LRRIQ1: variants seen among roughly 807,000 people sequenced by gnomAD.
LRRIQ1 encodes the protein leucine-rich repeat- and IQ domain-containing protein 1.
In LRRIQ1, 210 loss-of-function variants were observed where a neutral mutation model predicts 211.9. The ratio of observed to expected loss-of-function variants is 0.99; its 90% CI spans 0.89 to 1.11. The LOEUF is 1.11. Among genes scored for constraint, LRRIQ1 ranks in the 50% most tolerant of loss-of-function variants. The pLI is 0.00. For synonymous variants in LRRIQ1, 699 were observed against 650.1 expected, an observed-to-expected ratio of 1.08 and a Z score of -1.14; for missense variants, 2,136 against 1,939.5, an observed-to-expected ratio of 1.10 and a Z score of -1.90.
At chr12:85,260,504 A>T (rs1896254823) in intron 1 of LRRIQ1, among the ~76,000 whole-genome samples, 1 of 152,190 alleles carries the variant, frequency 6.6e-6, no homozygotes, top group African/African-American at 2.4e-5. Flanking sequence ...AAAATGTATT[A>T]GTCATTTGTG....
chr12:85,053,951 A>G (rs1880657557), intron 7 of LRRIQ1, among the ~76,000 whole-genome samples: 1 of 152,198 alleles, frequency 6.6e-6, no homozygotes, highest in Non-Finnish European at 1.5e-5. Flanking sequence ...GCTTTTAAAA[A>G]TGAATGGTCA....
At chr12:85,149,367 A>T (rs1011909930) in intron 19 of LRRIQ1, among the ~76,000 whole-genome samples, 1 of 151,892 alleles carries the variant, frequency 6.6e-6, no homozygotes, top group Non-Finnish European at 1.5e-5. Context: ...TTTTCTGCAT[A>T]TGGCTAGCCA....
chr12:85,085,087 A>C (rs577692790), intron 11 of LRRIQ1, among the ~76,000 whole-genome samples: 12 of 152,162 alleles, frequency 7.9e-5, no homozygotes, highest in Non-Finnish European at 1.5e-4. Context: ...TACTAAGATG[A>C]GACATAGTAT....
At chr12:85,185,617 T>G (rs966569163) in intron 24 of LRRIQ1, among the ~76,000 whole-genome samples, 1 of 151,914 alleles carries the variant, frequency 6.6e-6, no homozygotes, top group Admixed American at 6.6e-5. Flanking sequence ...AAAGTATGAA[T>G]AAAGTAAATT....
In LRRIQ1 at chr12:85,056,450, A is replaced by C. The variant is rs757337328; in HGVS notation, c.1657A>C (p.Thr553Pro). Residue 553 changes from threonine to proline, a missense_variant, in exon 8 of 27, where the codon ACC (threonine) becomes CCC (proline). Physicochemically the swap from Thr to Pro is conservative, Grantham distance 38 (BLOSUM62 -1). Coordinates refer to ENST00000393217, the MANE Select transcript of LRRIQ1 (RefSeq NM_001079910.2). ...HVINENTGQK[T>P]QIILGHNQEI... ...CATAAATGAGAATACAGGACAAAAAACCCAGATAATATTAGGACATAACCA... is the reference window on the plus strand; with the variant it reads ...CATAAATGAGAATACAGGACAAAAACCCCAGATAATATTAGGACATAACCA... The C allele has an allele frequency of 6.2e-7, 1 of 1,601,726 alleles. No homozygotes were observed. The highest frequency in any genetic ancestry group is 1.4e-5 in the African/African-American group (1 of 73,940).
At chr12:85,264,194 C>A (rs969961289) in exon 2 of LRRIQ1, 1 of 151,994 alleles carries the variant, frequency 6.6e-6, no homozygotes, top group East Asian at 1.9e-4. Flanking sequence ...CTATAAATCT[C>A]TTTTAACTTG....
intron 24 of LRRIQ1, among the ~76,000 whole-genome samples, chr12:85,221,616 C>T (rs1470866956): frequency 5.3e-5 from 8 of 152,030 alleles, no homozygotes; most frequent in Non-Finnish European, 1.5e-5. Flanking sequence ...GACCTAAAGA[C>T]CTGAAGCAGG....
At chr12:85,230,446 C>T (rs565404811) in intron 25 of LRRIQ1, among the ~76,000 whole-genome samples, 3 of 152,252 alleles carry the variant, frequency 2.0e-5, no homozygotes, top group Middle Eastern at 3.4e-3. Context: ...TTCTAATCTT[C>T]TCTTCCTATA....
intron 3 of LRRIQ1, among the ~76,000 whole-genome samples, chr12:85,043,052 T>C (rs1210134885): frequency 6.6e-6 from 1 of 152,070 alleles, no homozygotes; most frequent in Non-Finnish European, 1.5e-5. Flanking sequence ...AATATAGATG[T>C]ATTGATCGGG....
In LRRIQ1 at chr12:85,083,820, G is replaced by T. The variant is rs564530342; in HGVS notation, c.2887+10722G>T. 8.5e-5 allele frequency among the ~76,000 whole-genome samples: 13 copies of T among 152,248 alleles called. 1 individual carries two copies. The South Asian group carries it at 2.7e-3, about 32-fold the overall frequency. Reference sequence around the variant, plus strand: ...AATGATAAAGCAGTAATCTATAATTGTGTCATCCAGATACAGCCAGTATGT... The same window carrying T: ...AATGATAAAGCAGTAATCTATAATTTTGTCATCCAGATACAGCCAGTATGT... On this transcript the variant is annotated intron_variant, in intron 11 of 26. Transcript: ENST00000393217.
intron 26 of LRRIQ1, among the ~76,000 whole-genome samples, chr12:85,238,543 A>G (rs1265973415): frequency 6.6e-6 from 1 of 152,126 alleles, no homozygotes; most frequent in Non-Finnish European, 1.5e-5. Flanking sequence ...TCGATCACAA[A>G]TATTGACATC....
Position 85,098,269 on chromosome 12 carries a change from C to T in LRRIQ1, c.2888-86C>T, listed in dbSNP as rs539685065. 4.8e-5 allele frequency: 39 copies of T among 813,410 alleles called. No homozygotes were observed. In the South Asian group the frequency reaches 6.4e-4, roughly 13 times the overall value. The allele number at this position is 813,410 out of a possible 1,614,324, so 50.4% of individuals were successfully genotyped here. ...AATGATAGTGAGAAATACAAAGGTG[C>T]AATTATTTAGAAAAAAAATGGAAAC... On this transcript the variant is annotated intron_variant, in intron 11 of 26. Coordinates refer to ENST00000393217, the MANE Select transcript of LRRIQ1 (RefSeq NM_001079910.2).
chr12:85,229,772 G>A (rs975155832), intron 25 of LRRIQ1, 123 bp downstream of exon 25: 61 of 904,752 alleles, frequency 6.7e-5, no homozygotes, highest in Admixed American at 1.4e-4. Flanking sequence ...CTACGTTGCC[G>A]GGTAATACAA....
intron 24 of LRRIQ1, among the ~76,000 whole-genome samples, chr12:85,220,654 A>G (rs890117447): frequency 1.3e-5 from 2 of 148,302 alleles, no homozygotes; most frequent in Non-Finnish European, 3.0e-5. Flanking sequence ...TTATTTTATT[A>G]TTATTATACT....
downstream of LRRIQ1, among the ~76,000 whole-genome samples, chr12:85,267,860 T>G (rs1031986041): frequency 2.0e-5 from 3 of 152,050 alleles, no homozygotes; most frequent in Non-Finnish European, 4.4e-5. Flanking sequence ...CAATCCTTGC[T>G]CTGATGGGCA....
At chr12:85,131,363 T>C (rs1309144928) in intron 18 of LRRIQ1, among the ~76,000 whole-genome samples, 1 of 152,126 alleles carries the variant, frequency 6.6e-6, no homozygotes, top group African/African-American at 2.4e-5. Context: ...GTTAAAGTGC[T>C]GTCCCACTGG....
At chr12:85,046,223 G>T (rs143115844) in intron 5 of LRRIQ1, 86 bp downstream of exon 5, 3 of 723,096 alleles carry the variant, frequency 4.1e-6, no homozygotes, top group African/African-American at 3.5e-5. Flanking sequence ...GTTGATGTTT[G>T]TTCTGATATT....
At chr12:85,197,837 AATATT>A (rs1294141665) in intron 24 of LRRIQ1, among the ~76,000 whole-genome samples, 4 of 139,932 alleles carry the variant, frequency 2.9e-5, no homozygotes, top group African/African-American at 1.1e-4. Flanking sequence ...AAAAATAAAA[AATATT>A]ATATTTATTA....
At chr12:85,203,243 C>T (rs993066014) in intron 24 of LRRIQ1, among the ~76,000 whole-genome samples, 2 of 152,204 alleles carry the variant, frequency 1.3e-5, no homozygotes, top group Admixed American at 1.3e-4. Context: ...TCCTTGCCTT[C>T]TGCTATGATT....
Sources: gnomAD v4.1 joint callset for allele counts (sites outside exome capture counted in the v4.1 genomes callset) on GRCh38, gnomAD v4.1.1 for gene constraint, MANE v1.5 for transcripts, NCBI Gene and HGNC (gene_info 2026-07-23, HGNC 2026-07-21) for gene names.